The following NUBPL variants were observed in gnomAD, a reference collection of about 807,000 sequenced individuals.
NUBPL encodes iron-sulfur cluster transfer protein NUBPL.
In NUBPL, 31 loss-of-function variants were observed where a neutral mutation model predicts 45.7. That is an observed-to-expected ratio of 0.68 (90% confidence interval 0.51 to 0.92). NUBPL has a LOEUF of 0.92. Among genes scored for constraint, NUBPL ranks in the 40% least tolerant of loss-of-function variants. The probability of loss-of-function intolerance (pLI) is 0.00; values close to 1 mark genes in which losing one functional copy is unlikely to be tolerated. For synonymous variants in NUBPL, 144 were observed against 140.9 expected (o/e 1.02, Z -0.15); for missense variants, 401 against 398.7 (o/e 1.01, Z -0.05).
intron 6 of NUBPL, among the ~76,000 whole-genome samples, chr14:31,756,127 G>A (rs1347884920): frequency 1.3e-5 from 2 of 151,886 alleles, no homozygotes; most frequent in Non-Finnish European, 2.9e-5. Context: ...TTGAAGTCAG[G>A]TAGCATGATG....
chr14:31,717,647 A>C (rs1281647829), intron 6 of NUBPL, among the ~76,000 whole-genome samples: 4 of 152,128 alleles, frequency 2.6e-5, no homozygotes, highest in African/African-American at 9.7e-5. Context: ...CTCTTAATCT[A>C]AGCCTTAAAA....
intron 6 of NUBPL, among the ~76,000 whole-genome samples, chr14:31,706,704 G>A (rs1347348702): frequency 6.6e-6 from 1 of 152,228 alleles, no homozygotes; most frequent in African/African-American, 2.4e-5. Flanking sequence ...TGCTGCCAAA[G>A]AGTCTATTTG....
At chr14:31,777,771 A>G (rs951390009) in intron 6 of NUBPL, among the ~76,000 whole-genome samples, 13 of 152,216 alleles carry the variant, frequency 8.5e-5, no homozygotes, top group African/African-American at 2.9e-4. Context: ...ATTTACCCAG[A>G]TACAGCAGCA....
chr14:31,760,126 A>AGTGTGTGTGTGTGTGTGTGT lies in NUBPL; in HGVS notation c.514-27635_514-27634insTGTGTGTGTGTGTGTGTGTG, dbSNP rs147699444. On this transcript the variant is annotated intron_variant, in intron 6 of 10. Transcript: ENST00000281081. ...CTATTACTCTATTACTTCTGACTTT[A>AGTGTGTGTGTGTGTGTGTGT]GTGTGTGTGTGTGTGTGTGAGAGAG... Among the ~76,000 whole-genome samples, 255 of 29,806 alleles carry AGTGTGTGTGTGTGTGTGTGT rather than the reference A, an allele frequency of 8.6e-3. 33 individuals are homozygous for AGTGTGTGTGTGTGTGTGTGT. The highest frequency in any genetic ancestry group is 0.021 in the East Asian group (16 of 748). The allele number at this position is 29,806 out of a possible 152,430, so 19.6% of individuals were successfully genotyped here.
chr14:31,687,785 G>A (rs976355014), intron 6 of NUBPL, among the ~76,000 whole-genome samples: 17 of 152,178 alleles, frequency 1.1e-4, no homozygotes, highest in Non-Finnish European at 1.5e-5. Context: ...TAGTGATGCT[G>A]GAAGTCTCTG....
intron 4 of NUBPL, among the ~76,000 whole-genome samples, chr14:31,639,453 G>A (rs1290659244): frequency 1.3e-5 from 2 of 152,180 alleles, no homozygotes; most frequent in African/African-American, 4.8e-5. Flanking sequence ...TTTTGTGTCA[G>A]AGGAGTACCC....
chr14:31,753,288 G>A (rs1213571953), intron 6 of NUBPL, among the ~76,000 whole-genome samples: 1 of 152,106 alleles, frequency 6.6e-6, no homozygotes, highest in Non-Finnish European at 1.5e-5. Flanking sequence ...GGTGGGCCAG[G>A]CCTCAGATCT....
chr14:31,719,142 G>A (rs558737190), intron 6 of NUBPL, among the ~76,000 whole-genome samples: 65 of 152,260 alleles, frequency 4.3e-4, no homozygotes, highest in African/African-American at 1.5e-3. Context: ...TAAAGAATAT[G>A]TGTTGTTTAC....
intron 3 of NUBPL, among the ~76,000 whole-genome samples, chr14:31,569,028 T>C (rs2139456713): frequency 6.6e-6 from 1 of 152,340 alleles, no homozygotes; most frequent in South Asian, 2.1e-4. Context: ...TAAACAAATA[T>C]ATTAACATAT....
At chr14:31,690,330 T>C (rs2037063829) in intron 6 of NUBPL, among the ~76,000 whole-genome samples, 1 of 152,180 alleles carries the variant, frequency 6.6e-6, no homozygotes, top group Non-Finnish European at 1.5e-5. Context: ...CTTTTCTGGA[T>C]TGGGTCCACT....
At chr14:31,837,525 AGT>A in intron 8 of NUBPL, among the ~76,000 whole-genome samples, 1 of 152,220 alleles carries the variant, frequency 6.6e-6, no homozygotes, top group East Asian at 1.9e-4. Flanking sequence ...TGAAGTTTTT[AGT>A]AGCCATATTT....
chr14:31,837,278 C>T (rs2040296790), intron 8 of NUBPL, among the ~76,000 whole-genome samples: 1 of 152,152 alleles, frequency 6.6e-6, no homozygotes, highest in Non-Finnish European at 1.5e-5. Flanking sequence ...CTTCAGTGAG[C>T]CGTGATCACA....
chr14:31,757,730 C>T (rs1460213661), intron 6 of NUBPL, among the ~76,000 whole-genome samples: 3 of 152,018 alleles, frequency 2.0e-5, no homozygotes, highest in Non-Finnish European at 4.4e-5. Flanking sequence ...GCTTTTTCTT[C>T]TTTCATGTGT....
intron 7 of NUBPL, among the ~76,000 whole-genome samples, chr14:31,811,008 C>T (rs941220841): frequency 6.6e-5 from 10 of 152,142 alleles, no homozygotes; most frequent in Non-Finnish European, 1.5e-4. Flanking sequence ...GATGGGCTTC[C>T]CTTTGTGGTT....
chr14:31,856,427 C>A (rs1303994066), intron 10 of NUBPL, among the ~76,000 whole-genome samples: 1 of 152,074 alleles, frequency 6.6e-6, no homozygotes, highest in Non-Finnish European at 1.5e-5. Flanking sequence ...CACCCCAGCC[C>A]CTCCCAAATC....
intron 7 of NUBPL, among the ~76,000 whole-genome samples, chr14:31,799,548 A>G (rs1031537359): frequency 3.9e-5 from 6 of 152,250 alleles, no homozygotes; most frequent in Non-Finnish European, 8.8e-5. Context: ...TAAAGCAAGT[A>G]TCGTAATCAA....
At chr14:31,581,994 G>A (rs1050100494) in intron 3 of NUBPL, among the ~76,000 whole-genome samples, 1 of 152,148 alleles carries the variant, frequency 6.6e-6, no homozygotes, top group Non-Finnish European at 1.5e-5. Context: ...TAGCACATTA[G>A]TTTTAAGCAG....
chr14:31,767,034 G>A (rs1212015157), intron 6 of NUBPL, among the ~76,000 whole-genome samples: 2 of 151,514 alleles, frequency 1.3e-5, no homozygotes, highest in East Asian at 1.9e-4. Context: ...ATTTTCTAAC[G>A]GCAAAATCCA....
intron 3 of NUBPL, among the ~76,000 whole-genome samples, chr14:31,579,810 A>C (rs2033816090): frequency 6.6e-6 from 1 of 152,232 alleles, no homozygotes; most frequent in African/African-American, 2.4e-5. Context: ...GAGGAGGAAG[A>C]TCTGAGCAGA....
Sources: allele counts gnomAD v4.1 joint callset (sites outside exome capture counted in the v4.1 genomes callset), GRCh38; gene constraint gnomAD v4.1.1; transcripts MANE v1.5; gene names NCBI Gene and HGNC (gene_info 2026-07-23, HGNC 2026-07-21).